The following FLNB variants were observed in gnomAD, a reference collection of about 807,000 sequenced individuals.
The protein encoded by FLNB is filamin B.
A neutral mutation model predicts 250.6 loss-of-function variants in FLNB; 111 were observed. That is an observed-to-expected ratio of 0.44 (90% CI 0.38 to 0.52). The LOEUF (loss-of-function observed/expected upper bound fraction) is 0.52, where lower values mean the gene tolerates loss of function less well. FLNB is among the 20% of genes least tolerant of loss of function. The pLI, the probability that FLNB is intolerant of heterozygous loss-of-function variation, is 0.00. For missense variants in FLNB, 2,869 were observed against 3,447.8 expected, an observed-to-expected ratio of 0.83 and a Z score of 4.20; for synonymous variants, 1,302 against 1,372.1, an observed-to-expected ratio of 0.95 and a Z score of 1.13.
At position 58,163,357 on chromosome 3, in the gene FLNB, C is replaced by G. The variant is rs200056120; in HGVS notation, c.7198+27C>G. ...TAACCCACTCTTCTGCTTCTTGAAG[C>G]CTTAACTGAACCAGCTCCAGGGACC... On this transcript the variant is annotated intron_variant, in intron 43 of 45. Transcript: ENST00000295956. 1.3e-4 allele frequency: 202 copies of G among 1,611,500 alleles called. 1 individual carries two copies. Among genetic ancestry groups the G allele is most frequent in the Non-Finnish European group, 1.4e-5 (17 of 1,178,138 alleles).
At chr3:58,125,160 TG>T (rs1238912302) in intron 22 of FLNB, among the ~76,000 whole-genome samples, 6 of 152,378 alleles carry the variant, frequency 3.9e-5, no homozygotes, top group African/African-American at 1.4e-4. Flanking sequence ...TGAAACAGGA[TG>T]TCACTCTGTT....
intron 19 of FLNB, among the ~76,000 whole-genome samples, chr3:58,119,307 C>G (rs982338337): frequency 7.9e-5 from 12 of 152,152 alleles, no homozygotes; most frequent in African/African-American, 2.9e-4. Context: ...AGTCAGCCCC[C>G]TGGCATTGCA....
Position 58,103,994 on chromosome 3 carries a change from C to T in FLNB, c.1519C>T (p.Leu507=). 1 of 1,614,082 alleles carries T rather than the reference C, an allele frequency of 6.2e-7. No homozygotes were observed. The highest frequency in any genetic ancestry group is 8.5e-7 in the Non-Finnish European group (1 of 1,179,990). ...GGAGCTGGTGAAGCAGAAAGACTTT[C>T]TGGATGGGGTCTACGCATTCGAGTA... is the stretch of plus-strand genomic sequence containing the variant. The part of the protein sequence containing the change: ...LEELVKQKDF[L]DGVYAFEYYP... The change falls in exon 10 of 46, where the codon CTG becomes TTG. Residue 507 remains leucine (L), a synonymous_variant. Transcript: ENST00000295956.
Position 58,123,671 on chromosome 3 carries a change from A to G in FLNB, c.3705A>G (p.Gly1235=). The change falls in exon 21 of 46, where the codon GGA becomes GGG. Residue 1235 remains glycine, a synonymous_variant. Coordinates refer to ENST00000295956, the MANE Select transcript of FLNB (RefSeq NM_001457.4). ...ACACCAGCAGGATCAAAGTCTTTGGACCAGGAATAGAAGGGAAAGGTGGGT... is the reference window on the plus strand; with the variant it reads ...ACACCAGCAGGATCAAAGTCTTTGGGCCAGGAATAGAAGGGAAAGGTGGGT... ...AVDTSRIKVF[G]PGIEGKDVFR... is the part of the protein sequence containing the mutation. 3 of 1,564,118 alleles carry G rather than the reference A, an allele frequency of 1.9e-6. No individual in the cohort carries two copies.
Position 58,148,298 on chromosome 3 carries a change from A to G in FLNB, c.5821A>G (p.Ser1941Gly). The change falls in exon 35 of 46, where the codon AGC (serine) becomes GGC (glycine). Residue 1941 changes from serine to glycine, a missense_variant. By Grantham distance (56) the Ser-to-Gly change is moderately conservative. This residue lies in a region of FLNB where 1,084 missense variants were observed against 1,315.5 expected (regional missense o/e 0.82). Transcript: ENST00000295956. The stretch of plus-strand genomic sequence containing the variant: ...GACTGACCTCAGCAGCCTGACGGCC[A>G]GCATTAAGGCCCCATCTGGCCGAGA... ...SETDLSSLTA[S>G]IKAPSGRDEP... 6.2e-7 allele frequency: 1 copy of G among 1,614,138 alleles called. No individual in the cohort carries two copies. The highest frequency in any genetic ancestry group is 8.5e-7 in the Non-Finnish European group (1 of 1,180,026).
intron 1 of FLNB, among the ~76,000 whole-genome samples, chr3:58,061,022 A>G (rs1490509598): frequency 6.6e-6 from 1 of 152,144 alleles, no homozygotes; most frequent in Non-Finnish European, 1.5e-5. Context: ...GCCAAGGAGC[A>G]TCAGAAAGAC....
chr3:58,025,506 G>A (rs778590631), intron 1 of FLNB, among the ~76,000 whole-genome samples: 25 of 152,052 alleles, frequency 1.6e-4, no homozygotes, highest in Non-Finnish European at 3.7e-4. Flanking sequence ...TCCCAGCAGC[G>A]GCAGTAAGGT....
intron 24 of FLNB, among the ~76,000 whole-genome samples, chr3:58,127,841 C>T (rs1171776430): frequency 6.6e-6 from 1 of 152,192 alleles, no homozygotes; most frequent in Admixed American, 6.5e-5. Context: ...TTGTCACCCC[C>T]ACACATTTTA....
intron 24 of FLNB, among the ~76,000 whole-genome samples, chr3:58,129,802 G>GC: frequency 6.6e-6 from 1 of 152,332 alleles, no homozygotes; most frequent in East Asian, 1.9e-4. Context: ...GGTGCACGTA[G>GC]CCCCTTGGTG....
chr3:58,091,088 A>AG (rs1376113728), intron 4 of FLNB, among the ~76,000 whole-genome samples: 23 of 151,840 alleles, frequency 1.5e-4, no homozygotes, highest in South Asian at 8.3e-4. Context: ...AAAAAAAAAA[A>AG]AAAAAAGTCA....
chr3:58,155,021 T>C, intron 40 of FLNB, 93 bp downstream of exon 40: 1 of 1,338,100 alleles, frequency 7.5e-7, no homozygotes, highest in Non-Finnish European at 1.1e-6. Flanking sequence ...CTGAAGTCAA[T>C]GAGGAATCTA....
intron 41 of FLNB, among the ~76,000 whole-genome samples, chr3:58,158,974 T>C (rs1175361457): frequency 6.6e-6 from 1 of 151,790 alleles, no homozygotes; most frequent in Non-Finnish European, 1.5e-5. Context: ...ATTTTACAGA[T>C]GAGGAAACTG....
chr3:58,154,438 G>A (rs1216966887), intron 39 of FLNB, among the ~76,000 whole-genome samples: 3 of 152,076 alleles, frequency 2.0e-5, no homozygotes, highest in African/African-American at 4.8e-5. Context: ...TCAGCTACTC[G>A]GGAGGCTGAG....
At chr3:58,035,016 T>A (rs926828401) in intron 1 of FLNB, among the ~76,000 whole-genome samples, 3 of 152,186 alleles carry the variant, frequency 2.0e-5, no homozygotes, top group Non-Finnish European at 4.4e-5. Flanking sequence ...TTGTCCTAGA[T>A]CACATGTTCT....
At position 58,121,317 on chromosome 3, in the gene FLNB, A is replaced by G. The variant is rs2097288417; in HGVS notation, c.2940A>G (p.Thr980=). 6.2e-7 allele frequency: 1 copy of G among 1,613,966 alleles called. No homozygotes were observed. The highest frequency in any genetic ancestry group is 8.5e-7 in the Non-Finnish European group (1 of 1,180,008). The change falls in exon 20 of 46, where the codon ACA becomes ACG. Residue 980 remains threonine (T), a synonymous_variant. Transcript: ENST00000295956. ...GAGGQGKLDV[T]ILSPSRKVVP... is the part of the protein sequence containing the mutation. The stretch of plus-strand genomic sequence containing the variant: ...GAGGCCAGGGGAAGCTGGACGTGAC[A>G]ATCCTCAGCCCCTCTCGGAAGGTCG...
intron 1 of FLNB, among the ~76,000 whole-genome samples, chr3:58,055,754 G>C (rs759394897): frequency 6.6e-6 from 1 of 152,192 alleles, no homozygotes; most frequent in Non-Finnish European, 1.5e-5. Flanking sequence ...TCTGAAGACT[G>C]TACTCTTTCT....
At chr3:58,158,456 C>T (rs894249973) in intron 41 of FLNB, among the ~76,000 whole-genome samples, 18 of 152,154 alleles carry the variant, frequency 1.2e-4, no homozygotes, top group Non-Finnish European at 7.4e-5. Flanking sequence ...AGTTCTTGGA[C>T]CTCAGCATCA....
chr3:58,149,588 A>T, intron 36 of FLNB: 2 of 537,758 alleles, frequency 3.7e-6, no homozygotes, highest in Non-Finnish European at 6.7e-6. Flanking sequence ...GGGACACATC[A>T]TCTATGGGAT....
At chr3:58,071,274 C>CTTTT (rs57488190) in intron 1 of FLNB, among the ~76,000 whole-genome samples, 12 of 81,626 alleles carry the variant, frequency 1.5e-4, no homozygotes, top group Non-Finnish European at 2.1e-4. Context: ...CTCCTCGATT[C>CTTTT]TTTTTTTTTT....
Sources: allele counts gnomAD v4.1 joint callset (sites outside exome capture counted in the v4.1 genomes callset), GRCh38; gene constraint gnomAD v4.1.1; regional missense constraint gnomAD v4.1.1; transcripts MANE v1.5; gene names NCBI Gene and HGNC (gene_info 2026-07-23, HGNC 2026-07-21).